Variants in MYCBP2 observed in about 807,000 individuals in gnomAD.
The protein encoded by MYCBP2 is MYC binding protein 2, also known as E3 ubiquitin-protein ligase MYCBP2.
A neutral mutation model predicts 525.3 loss-of-function variants in MYCBP2; 120 were observed. That is an observed-to-expected ratio of 0.23 (90% CI 0.20 to 0.27). The LOEUF is 0.27. MYCBP2 is among the 10% of genes least tolerant of loss of function. MYCBP2 has a pLI of 1.00. For synonymous variants in MYCBP2, 1,894 were observed against 1,955.8 expected, an observed-to-expected ratio of 0.97 and a Z score of 0.83; for missense variants, 4,149 against 5,657.1, an observed-to-expected ratio of 0.73 and a Z score of 8.55.
chr13:77,271,082 A>C (rs1571296), intron 5 of MYCBP2, among the ~76,000 whole-genome samples: 147,668 of 152,194 alleles, frequency 0.97, 71,706 homozygotes, highest in East Asian at 1. Flanking sequence ...TATTCTCACT[A>C]CTTAATCATA....
rs191437691 is a variant in MYCBP2 at position 77,252,520 on chromosome 13, G to T, written c.2177-1165C>A. On this transcript the variant is annotated intron_variant, in intron 14 of 82. Coordinates refer to ENST00000544440, the MANE Select transcript of MYCBP2 (RefSeq NM_015057.5). ...CCCTATGACAGGAGAACAAATCTGT[G>T]GGAGTCAAGTAATTATTTTTTATAT... Among the ~76,000 whole-genome samples, 255 of 152,222 alleles carry T rather than the reference G, an allele frequency of 1.7e-3. 4 individuals are homozygous for T. Among genetic ancestry groups the T allele is most frequent in the African/African-American group, 5.4e-3 (226 of 41,544 alleles).
chr13:77,116,186 G>A (rs141388278), intron 55 of MYCBP2, among the ~76,000 whole-genome samples: 302 of 151,978 alleles, frequency 2.0e-3, no homozygotes, highest in Admixed American at 4.0e-3. Flanking sequence ...ACATAGTGGC[G>A]ACTATCAGTA....
intron 55 of MYCBP2, among the ~76,000 whole-genome samples, chr13:77,114,437 G>A (rs2049368157): frequency 6.6e-6 from 1 of 152,130 alleles, no homozygotes; most frequent in Non-Finnish European, 1.5e-5. Flanking sequence ...GAGCTAGTAA[G>A]TAGCTGGAAG....
chr13:77,233,068 G>A (rs1007440008), intron 18 of MYCBP2, 88 bp downstream of exon 18: 15 of 1,113,336 alleles, frequency 1.3e-5, no homozygotes, highest in Non-Finnish European at 2.0e-5. Context: ...AGAAGAATCA[G>A]GTTTGTGCAT....
At chr13:77,090,425 A>G in intron 59 of MYCBP2, 162 bp from the exon 60 acceptor site, 2 of 483,364 alleles carry the variant, frequency 4.1e-6, no homozygotes, top group Non-Finnish European at 6.9e-6. Flanking sequence ...ATCTTTTCAA[A>G]TGCAGTAACA....
intron 18 of MYCBP2, among the ~76,000 whole-genome samples, chr13:77,231,523 G>A (rs2067132300): frequency 6.6e-6 from 1 of 152,192 alleles, no homozygotes; most frequent in Admixed American, 6.5e-5. Flanking sequence ...TGCAATTACA[G>A]GCATGTGCCA....
At chr13:77,193,270 G>T (rs1313059006) in intron 27 of MYCBP2, among the ~76,000 whole-genome samples, 1 of 151,672 alleles carries the variant, frequency 6.6e-6, no homozygotes, top group Non-Finnish European at 1.5e-5. Flanking sequence ...AACACTAAAG[G>T]TTACTAAAAA....
At chr13:77,283,493 T>A (rs1034001948) in intron 3 of MYCBP2, among the ~76,000 whole-genome samples, 1 of 152,200 alleles carries the variant, frequency 6.6e-6, no homozygotes, top group Non-Finnish European at 1.5e-5. Context: ...AAAAAGAATA[T>A]ACTGAATTAA....
At chr13:77,140,777 C>G (rs1255770448) in intron 50 of MYCBP2, 69 bp downstream of exon 50, 2 of 1,086,074 alleles carry the variant, frequency 1.8e-6, no homozygotes, top group Non-Finnish European at 2.8e-6. Context: ...TGTTTACTGG[C>G]CATTTTGAAG....
rs1475383093 is a variant in MYCBP2, at chr13:77,205,803, C to T, written c.3590-205G>A. Reference sequence around the variant, plus strand: ...AATGATCATATTTAAACTTGCCATACGACAACCTTTTACACAAAACTGGAT... The same window carrying T: ...AATGATCATATTTAAACTTGCCATATGACAACCTTTTACACAAAACTGGAT... On this transcript the variant is annotated intron_variant, in intron 24 of 82. Coordinates refer to ENST00000544440, the MANE Select transcript of MYCBP2 (RefSeq NM_015057.5). Among the ~76,000 whole-genome samples, 6 of 152,212 alleles carry T rather than the reference C, an allele frequency of 3.9e-5. 1 individual carries two copies. The South Asian group carries it at 6.2e-4, about 16-fold the overall frequency.
At chr13:77,271,029 G>A (rs2074808917) in intron 5 of MYCBP2, among the ~76,000 whole-genome samples, 1 of 151,658 alleles carries the variant, frequency 6.6e-6, no homozygotes, top group African/African-American at 2.4e-5. Context: ...TTCATTTCTA[G>A]GAGTTCGATT....
At chr13:77,130,038 C>T (rs569694320) in intron 52 of MYCBP2, among the ~76,000 whole-genome samples, 220 of 151,854 alleles carry the variant, frequency 1.4e-3, no homozygotes, top group African/African-American at 4.8e-3. Context: ...AACATCTTCA[C>T]AAAATGTTTT....
chr13:77,047,257 G>T (rs1282182623), intron 82 of MYCBP2, among the ~76,000 whole-genome samples: 1 of 152,152 alleles, frequency 6.6e-6, no homozygotes, highest in Non-Finnish European at 1.5e-5. Flanking sequence ...ATAGGAGGCA[G>T]AAACGATTAT....
intron 26 of MYCBP2, 79 bp downstream of exon 26, chr13:77,205,177 C>A: frequency 7.9e-7 from 1 of 1,263,178 alleles, no homozygotes; most frequent in Non-Finnish European, 1.0e-6. Context: ...AAAAATTAGA[C>A]ATTAAATAAT....
At chr13:77,184,022 T>C (rs1160685130) in intron 32 of MYCBP2, among the ~76,000 whole-genome samples, 2 of 152,176 alleles carry the variant, frequency 1.3e-5, no homozygotes, top group African/African-American at 4.8e-5. Context: ...TATTATTTCC[T>C]TCCTTCCTTC....
chr13:77,198,080 A>G (rs1392767766), intron 26 of MYCBP2, among the ~76,000 whole-genome samples: 1 of 152,242 alleles, frequency 6.6e-6, no homozygotes, highest in Non-Finnish European at 1.5e-5. Context: ...GACATTGTCA[A>G]ATAGAACTAC....
intron 1 of MYCBP2, among the ~76,000 whole-genome samples, chr13:77,306,613 A>G (rs370399117): frequency 1.8e-4 from 27 of 152,342 alleles, no homozygotes; most frequent in African/African-American, 5.5e-4. Context: ...AGCTTTGGCT[A>G]TAGACCCTGC....
At chr13:77,138,198 G>C (rs9318464) in intron 52 of MYCBP2, among the ~76,000 whole-genome samples, 9,020 of 152,054 alleles carry the variant, frequency 0.059, 379 homozygotes, top group African/African-American at 0.11. Flanking sequence ...TCTCTTTCTT[G>C]CTCTCTGTCT....
chr13:77,314,060 G>A (rs1594858079), intron 1 of MYCBP2, among the ~76,000 whole-genome samples: 1 of 152,090 alleles, frequency 6.6e-6, no homozygotes, highest in African/African-American at 2.4e-5. Flanking sequence ...TGGTGGAAAT[G>A]AAAAATGAAA....
Sources: allele counts gnomAD v4.1 joint callset (sites outside exome capture counted in the v4.1 genomes callset), GRCh38; gene constraint gnomAD v4.1.1; transcripts MANE v1.5; gene names NCBI Gene and HGNC (gene_info 2026-07-23, HGNC 2026-07-21).